Variants in KLF12 observed in about 807,000 individuals in gnomAD.
KLF12 encodes the protein Krueppel-like factor 12.
In KLF12, 9 loss-of-function variants were observed where a neutral mutation model predicts 37.8. That is an observed-to-expected ratio of 0.24 (90% CI 0.14 to 0.42). The LOEUF is 0.42. Ranked by LOEUF, KLF12 falls within the 10% of genes least tolerant of loss-of-function variation. The pLI, the probability that KLF12 is intolerant of heterozygous loss-of-function variation, is 1.00. For missense variants in KLF12, 411 were observed against 516.0 expected, an observed-to-expected ratio of 0.80 and a Z score of 1.97; for synonymous variants, 208 against 202.1, an observed-to-expected ratio of 1.03 and a Z score of -0.25.
the KLF12 span, among the ~76,000 whole-genome samples, chr13:74,283,841 C>G: frequency 2.0e-5 from 3 of 149,358 alleles, no homozygotes; most frequent in African/African-American, 7.4e-5. Flanking sequence ...AAGTATCATC[C>G]ATAAGTATGT....
the KLF12 span, among the ~76,000 whole-genome samples, chr13:74,177,836 T>C: frequency 2.6e-5 from 4 of 152,186 alleles, no homozygotes; most frequent in Non-Finnish European, 5.9e-5. Flanking sequence ...TGCTAGGTAA[T>C]TCATTTTGGT....
chr13:73,893,594 C>A (rs1444462112), intron 3 of KLF12, among the ~76,000 whole-genome samples: 1 of 151,982 alleles, frequency 6.6e-6, no homozygotes, highest in Non-Finnish European at 1.5e-5. Flanking sequence ...GTTGGCCAGG[C>A]TGGTCTTAAA....
intron 1 of KLF12, among the ~76,000 whole-genome samples, chr13:74,076,377 C>CA (rs1386716069): frequency 6.6e-6 from 1 of 152,084 alleles, no homozygotes; most frequent in Non-Finnish European, 1.5e-5. Flanking sequence ...AGTCCAAGAT[C>CA]AAGGGGCTGG....
At chr13:74,056,325 T>C (rs865836891) in intron 1 of KLF12, among the ~76,000 whole-genome samples, 6 of 152,326 alleles carry the variant, frequency 3.9e-5, no homozygotes, top group African/African-American at 1.2e-4. Context: ...CTGTCACTTC[T>C]TTCTAAAGCA....
Position 73,691,890 on chromosome 13 carries a change from C to A in KLF12, c.*3600G>T, listed in dbSNP as rs2296889. ...AATCTTTGCATAAGCTATTCCAAAT[C>A]TGAACCATAATGAAAACGGCCTTTC... On this transcript the variant is annotated 3_prime_UTR_variant, in exon 8 of 8. Transcript: ENST00000377669. 7 of 152,494 alleles carry A rather than the reference C, an allele frequency of 4.6e-5. No individual in the cohort carries two copies. The highest frequency in any genetic ancestry group is 1.7e-4 in the African/African-American group (7 of 41,384). 9.4% of individuals were successfully genotyped at this position (152,494 alleles called of 1,614,324 possible).
At chr13:74,171,587 T>A in the KLF12 span, among the ~76,000 whole-genome samples, 2 of 152,190 alleles carry the variant, frequency 1.3e-5, no homozygotes, top group Non-Finnish European at 2.9e-5. Context: ...TTCTCTTTGT[T>A]GGAAAGATGA....
the KLF12 span, among the ~76,000 whole-genome samples, chr13:74,235,563 T>TC: frequency 6.6e-6 from 1 of 152,108 alleles, no homozygotes; most frequent in Non-Finnish European, 1.5e-5. Context: ...GTGGATGGCC[T>TC]CCCCCTCACT....
intron 3 of KLF12, among the ~76,000 whole-genome samples, chr13:73,893,517 G>T (rs1887614545): frequency 2.0e-5 from 3 of 151,674 alleles, no homozygotes; most frequent in Admixed American, 2.0e-4. Flanking sequence ...AAGTAGCTAG[G>T]ACTATAGGAG....
chr13:73,827,578 T>G (rs990148760), intron 4 of KLF12, among the ~76,000 whole-genome samples: 1 of 152,212 alleles, frequency 6.6e-6, no homozygotes, highest in Non-Finnish European at 1.5e-5. Context: ...TATTTTTTAT[T>G]TTGAGACAGA....
the KLF12 span, among the ~76,000 whole-genome samples, chr13:74,219,789 T>A: frequency 6.6e-6 from 1 of 152,130 alleles, no homozygotes; most frequent in South Asian, 2.1e-4. Context: ...TGTTGAGGAG[T>A]CAGCTGTCAG....
At chr13:73,924,251 T>A (rs1407309962) in intron 3 of KLF12, among the ~76,000 whole-genome samples, 1 of 152,228 alleles carries the variant, frequency 6.6e-6, no homozygotes, top group African/African-American at 2.4e-5. Context: ...TGCTTTGCTT[T>A]ATTGTGCTTC....
At chr13:74,213,475 A>G in the KLF12 span, among the ~76,000 whole-genome samples, 1 of 152,074 alleles carries the variant, frequency 6.6e-6, no homozygotes, top group Non-Finnish European at 1.5e-5. Flanking sequence ...TGGGTATAGA[A>G]TTGTATCAAT....
intron 1 of KLF12, among the ~76,000 whole-genome samples, chr13:74,107,248 T>C (rs1341415241): frequency 1.3e-5 from 2 of 152,366 alleles, no homozygotes; most frequent in South Asian, 2.1e-4. Flanking sequence ...TTCAACATAA[T>C]GAATTTTGGT....
intron 3 of KLF12, among the ~76,000 whole-genome samples, chr13:73,892,799 C>T (rs1246110784): frequency 6.6e-6 from 1 of 152,160 alleles, no homozygotes; most frequent in African/African-American, 2.4e-5. Context: ...TATGCACAGA[C>T]CACTGTCTCA....
intron 7 of KLF12, among the ~76,000 whole-genome samples, chr13:73,704,174 C>T (rs1275568540): frequency 6.6e-6 from 1 of 152,048 alleles, no homozygotes; most frequent in Non-Finnish European, 1.5e-5. Context: ...GCAGGTGTTC[C>T]TCTTGGCTCA....
chr13:74,167,852 T>G, the KLF12 span, among the ~76,000 whole-genome samples: 3 of 152,200 alleles, frequency 2.0e-5, no homozygotes, highest in Non-Finnish European at 2.9e-5. Context: ...ATTTACTTAA[T>G]ACATGCATAT....
chr13:73,727,626 CATT>C (rs1876755498), intron 6 of KLF12, among the ~76,000 whole-genome samples: 2 of 151,936 alleles, frequency 1.3e-5, no homozygotes, highest in African/African-American at 4.8e-5. Context: ...AATTGGAAAA[CATT>C]ATTCCTCCCA....
At chr13:73,965,607 G>A (rs566670196) in intron 2 of KLF12, among the ~76,000 whole-genome samples, 8 of 152,274 alleles carry the variant, frequency 5.3e-5, no homozygotes, top group South Asian at 2.1e-4. Context: ...CAGTGATAAC[G>A]TGGAGGCTGA....
At chr13:74,101,740 G>C (rs1232632253) in intron 1 of KLF12, among the ~76,000 whole-genome samples, 1 of 152,174 alleles carries the variant, frequency 6.6e-6, no homozygotes, top group African/African-American at 2.4e-5. Flanking sequence ...ACAGTAATGG[G>C]TTATAACCCA....
Sources: gnomAD v4.1 joint callset for allele counts (sites outside exome capture counted in the v4.1 genomes callset) on GRCh38, gnomAD v4.1.1 for gene constraint, MANE v1.5 for transcripts, NCBI Gene and HGNC (gene_info 2026-07-23, HGNC 2026-07-21) for gene names.